Variants in PKHD1 observed in about 807,000 individuals in gnomAD.
PKHD1 encodes fibrocystin.
In PKHD1, 291 loss-of-function variants were observed where a neutral mutation model predicts 412.0. That is an observed-to-expected ratio of 0.71 (90% CI 0.64 to 0.78). The LOEUF is 0.78. PKHD1 is among the 30% of genes least tolerant of loss of function. PKHD1 has a pLI of 0.00. For synonymous variants in PKHD1, 1,777 were observed against 1,821.5 expected, an observed-to-expected ratio of 0.98 and a Z score of 0.62; for missense variants, 4,825 against 4,950.7, an observed-to-expected ratio of 0.97 and a Z score of 0.76.
intron 61 of PKHD1, 22 bp downstream of exon 61, chr6:51,658,930 T>A: frequency 6.5e-7 from 1 of 1,538,262 alleles, no homozygotes; most frequent in South Asian, 1.1e-5. Flanking sequence ...CTCATTTGGA[T>A]GTGAATATAA....
intron 55 of PKHD1, 64 bp from the exon 56 acceptor site, chr6:51,755,002 C>A: frequency 2.9e-6 from 4 of 1,394,120 alleles, no homozygotes; most frequent in Middle Eastern, 1.9e-4. Flanking sequence ...CTATTAACTC[C>A]AGAGCAAGAA....
rs763638401 is a variant in PKHD1 at position 51,847,862 on chromosome 6, G to A, written c.8020C>T (p.Leu2674=). ...GGTGATGGAAGAAATGGAAAAGACA[G>A]ACCCACTCGACTCCCACATCTTAGG... ...ILLRCGSRVG[L]SFPFLPSPGQ... Residue 2674 remains leucine, a synonymous_variant, in exon 50 of 67, where the codon CTG becomes TTG. Transcript: ENST00000371117. 1.2e-6 allele frequency: 2 copies of A among 1,613,892 alleles called. No homozygotes were observed. Among genetic ancestry groups the A allele is most frequent in the Non-Finnish European group, 1.7e-6 (2 of 1,179,756 alleles).
At chr6:51,684,218 C>A (rs746087629) in intron 60 of PKHD1, among the ~76,000 whole-genome samples, 2 of 152,144 alleles carry the variant, frequency 1.3e-5, no homozygotes, top group Non-Finnish European at 2.9e-5. Flanking sequence ...GATAACAGAA[C>A]TAAATGTTAG....
Position 51,952,342 on chromosome 6 carries a change from T to C in PKHD1, c.5908+7528A>G, listed in dbSNP as rs537420148. ...AGGGTACCAGGAAGGACTCTGATTA[T>C]AGAGAAATTCTCAACAAACATGAAT... On this transcript the variant is annotated intron_variant, in intron 36 of 66. Coordinates refer to ENST00000371117, the MANE Select transcript of PKHD1 (RefSeq NM_138694.4). Among the ~76,000 whole-genome samples, 3 of 152,324 alleles carry C rather than the reference T, an allele frequency of 2.0e-5. 1 individual carries two copies. The highest frequency in any genetic ancestry group is 7.2e-5 in the African/African-American group (3 of 41,580).
At chr6:51,903,557 C>T (rs1781593660) in intron 43 of PKHD1, 40 bp downstream of exon 43, 1 of 1,591,130 alleles carries the variant, frequency 6.3e-7, no homozygotes, top group Non-Finnish European at 8.6e-7. Context: ...ACTTTATGCC[C>T]TCTCAGTTCT....
intron 57 of PKHD1, among the ~76,000 whole-genome samples, chr6:51,752,543 A>C (rs1786277287): frequency 6.6e-6 from 1 of 152,234 alleles, no homozygotes; most frequent in Non-Finnish European, 1.5e-5. Flanking sequence ...ATATTTGGGA[A>C]GTGTTTAGAT....
chr6:52,058,502 C>T lies in PKHD1; in HGVS notation c.1333G>A (p.Glu445Lys). The T allele has an allele frequency of 6.2e-7, 1 of 1,614,208 alleles. No individual in the cohort carries two copies. Among genetic ancestry groups the T allele is most frequent in the South Asian group, 1.1e-5 (1 of 91,078 alleles). ...TAGTACATGGCTCCACCCAACAGCTCCAACTTGGGAGTCTTCTGCTGCCAG... is the reference window on the plus strand; with the variant it reads ...TAGTACATGGCTCCACCCAACAGCTTCAACTTGGGAGTCTTCTGCTGCCAG... ...GTWQQKTPKL[E>K]LLGGAMYYLE... The change falls in exon 16 of 67, where the codon GAG (glutamate) becomes AAG (lysine). Residue 445 changes from glutamate to lysine, a missense_variant. Physicochemically the swap from Glu to Lys is moderately conservative, Grantham distance 56. Coordinates refer to ENST00000371117, the MANE Select transcript of PKHD1 (RefSeq NM_138694.4).
chr6:51,943,397 A>T (rs1365348063), intron 36 of PKHD1, among the ~76,000 whole-genome samples: 1 of 150,338 alleles, frequency 6.7e-6, no homozygotes. Context: ...CTTCCACCAA[A>T]AAAAAAAAAA....
chr6:51,887,112 G>C (rs372789599), intron 44 of PKHD1, 21 bp downstream of exon 44: 1 of 1,430,434 alleles, frequency 7.0e-7, no homozygotes, highest in African/African-American at 1.4e-5. Context: ...CCAAAACATA[G>C]ATGAATTTCC....
chr6:51,770,030 G>A (rs1042301141), intron 55 of PKHD1, among the ~76,000 whole-genome samples: 7 of 150,488 alleles, frequency 4.7e-5, no homozygotes, highest in Non-Finnish European at 1.0e-4. Context: ...AGGTAATTAT[G>A]GATATATATT....
chr6:51,772,598 AT>A, intron 55 of PKHD1, 103 bp downstream of exon 55: 1 of 612,780 alleles, frequency 1.6e-6, no homozygotes, highest in South Asian at 2.3e-5. Flanking sequence ...TCCTTTAATT[AT>A]AATGTTTAAC....
chr6:51,973,739 A>G (rs1313166348), intron 35 of PKHD1, among the ~76,000 whole-genome samples: 1 of 152,216 alleles, frequency 6.6e-6, no homozygotes, highest in East Asian at 1.9e-4. Context: ...ACCCTTGCCA[A>G]AAATGAATTG....
rs528701097 is a variant in PKHD1, at chr6:51,821,768, G to A, written c.8302+9093C>T. Among the ~76,000 whole-genome samples the A allele has an allele frequency of 1.4e-4, 22 of 152,246 alleles. No homozygotes were observed. In the South Asian group the frequency reaches 3.9e-3, roughly 27 times the overall value. ...CTCGCTCTGTCACCCAGGCTGAAGC[G>A]CTCCACCTCCTGGGTTCAAGTGATT... On this transcript the variant is annotated intron_variant, in intron 52 of 66. Transcript: ENST00000371117.
intron 61 of PKHD1, among the ~76,000 whole-genome samples, chr6:51,655,793 A>T (rs1036582467): frequency 6.6e-6 from 1 of 152,096 alleles, no homozygotes; most frequent in African/African-American, 2.4e-5. Flanking sequence ...ATGAGATACT[A>T]TCTCATGCCA....
At chr6:51,806,235 A>T (rs1763764567) in intron 52 of PKHD1, among the ~76,000 whole-genome samples, 1 of 151,984 alleles carries the variant, frequency 6.6e-6, no homozygotes, top group Non-Finnish European at 1.5e-5. Flanking sequence ...AAAAAAAAAG[A>T]GGCATTCTAG....
At chr6:51,632,449 T>G (rs1768039330) in intron 65 of PKHD1, 116 bp downstream of exon 65, 1 of 821,452 alleles carries the variant, frequency 1.2e-6, no homozygotes, top group South Asian at 1.6e-5. Context: ...ATTTTATATT[T>G]TAGAGAAGCT....
chr6:51,725,736 G>A (rs530444988), intron 60 of PKHD1, among the ~76,000 whole-genome samples: 2 of 152,282 alleles, frequency 1.3e-5, no homozygotes, highest in Admixed American at 1.3e-4. Context: ...GTAAATAACA[G>A]TCTGTGTATT....
At chr6:51,884,984 T>A (rs908238417) in intron 45 of PKHD1, among the ~76,000 whole-genome samples, 1 of 152,234 alleles carries the variant, frequency 6.6e-6, no homozygotes, top group African/African-American at 2.4e-5. Context: ...GCTTTCTTCA[T>A]CCACAGTTAT....
In PKHD1 at chr6:51,648,135, G is replaced by A. The variant is rs372750244; in HGVS notation, c.11311-17C>T. ...TCTTCGATTCTAGAAATGGGAATAG[G>A]AGGAGGGAGGAAGAAAAAGTTGGAT... On this transcript the variant is annotated splice_polypyrimidine_tract_variant and intron_variant, in intron 62 of 66. Coordinates refer to ENST00000371117, the MANE Select transcript of PKHD1 (RefSeq NM_138694.4). The A allele has an allele frequency of 1.4e-6, 2 of 1,387,042 alleles. No individual in the cohort carries two copies. Among genetic ancestry groups the A allele is most frequent in the East Asian group, 4.6e-5 (2 of 43,810 alleles). The allele number at this position is 1,387,042 out of a possible 1,614,324, so 85.9% of individuals were successfully genotyped here. A position where few individuals can be genotyped will look rare whatever the true frequency, so the allele number is the denominator to read the frequency against.
Sources: allele counts gnomAD v4.1 joint callset (sites outside exome capture counted in the v4.1 genomes callset), GRCh38; gene constraint gnomAD v4.1.1; transcripts MANE v1.5; gene names NCBI Gene and HGNC (gene_info 2026-07-23, HGNC 2026-07-21).